DENND1B: variants seen among roughly 807,000 people sequenced by gnomAD.
DENND1B encodes DENN domain-containing protein 1B.
In DENND1B, 59 loss-of-function variants were observed where a neutral mutation model predicts 90.1. That is an observed-to-expected ratio of 0.65 (90% CI 0.53 to 0.81). The LOEUF (loss-of-function observed/expected upper bound fraction) is 0.81. Among genes scored for constraint, DENND1B ranks in the 40% least tolerant of loss-of-function variants. The probability of loss-of-function intolerance (pLI) is 0.00; values close to 1 mark genes in which losing one functional copy is unlikely to be tolerated. For synonymous variants in DENND1B, 337 were observed against 324.6 expected, an observed-to-expected ratio of 1.04 and a Z score of -0.41; for missense variants, 862 against 912.6, an observed-to-expected ratio of 0.94 and a Z score of 0.71.
chr1:197,619,352 C>A (rs1215292962), intron 10 of DENND1B, among the ~76,000 whole-genome samples: 2 of 151,138 alleles, frequency 1.3e-5, no homozygotes, highest in Admixed American at 1.3e-4. Flanking sequence ...CAAGAGCTCT[C>A]AGGTACTCCT....
chr1:197,553,496 C>T (rs1358225393), intron 15 of DENND1B, among the ~76,000 whole-genome samples: 1 of 152,096 alleles, frequency 6.6e-6, no homozygotes, highest in South Asian at 2.1e-4. Context: ...ACCCATGGGG[C>T]TCTGTCTTCC....
intron 10 of DENND1B, among the ~76,000 whole-genome samples, chr1:197,626,154 G>C (rs1280445616): frequency 6.6e-6 from 1 of 152,022 alleles, no homozygotes; most frequent in Non-Finnish European, 1.5e-5. Flanking sequence ...ATTGAACTCA[G>C]CTCTGCACCA....
chr1:197,556,067 C>T (rs1021950660), intron 15 of DENND1B, among the ~76,000 whole-genome samples: 8 of 152,028 alleles, frequency 5.3e-5, no homozygotes, highest in African/African-American at 1.9e-4. Context: ...ATAAATGATG[C>T]TGGAGGCCAT....
rs1187953452 is a variant in DENND1B at position 197,529,226 on chromosome 1, ATATATATATATATATATG to A, written c.1515+10720_1515+10737del. On this transcript the variant is annotated intron_variant, in intron 20 of 22. Coordinates refer to ENST00000620048, the MANE Select transcript of DENND1B (RefSeq NM_001195215.2). ...GTGATATATATATATATATATATAT[ATATATATATATATATATG>A]TGTGTGTGTGTGTGTGTGTGTGTGT... Among the ~76,000 whole-genome samples the A allele has an allele frequency of 4.5e-3, 87 of 19,234 alleles. No homozygotes were observed. The East Asian group carries it at 0.2, about 44-fold the overall frequency. 12.6% of individuals were successfully genotyped at this position (19,234 alleles called of 152,430 possible).
intron 20 of DENND1B, among the ~76,000 whole-genome samples, chr1:197,527,320 T>G (rs532990783): frequency 6.6e-6 from 1 of 151,386 alleles, no homozygotes; most frequent in South Asian, 2.1e-4. Flanking sequence ...TTGTTTTTGT[T>G]TTTTTTCTGA....
chr1:197,673,320 A>T (rs1241881350), intron 4 of DENND1B, among the ~76,000 whole-genome samples: 1 of 152,000 alleles, frequency 6.6e-6, no homozygotes, highest in East Asian at 1.9e-4. Context: ...TAAAACAAGG[A>T]GTATCATTCA....
At chr1:197,679,004 C>G (rs1294154298) in intron 3 of DENND1B, among the ~76,000 whole-genome samples, 1 of 152,184 alleles carries the variant, frequency 6.6e-6, no homozygotes, top group South Asian at 2.1e-4. Context: ...AGGGAAAGCA[C>G]TCTAAGTCTG....
At chr1:197,618,254 C>T (rs1239847661) in intron 10 of DENND1B, among the ~76,000 whole-genome samples, 1 of 151,052 alleles carries the variant, frequency 6.6e-6, no homozygotes, top group Non-Finnish European at 1.5e-5. Context: ...TATCAGGGGA[C>T]TTGAATGTTC....
intron 11 of DENND1B, among the ~76,000 whole-genome samples, chr1:197,617,264 G>C (rs537249132): frequency 6.6e-6 from 1 of 151,098 alleles, no homozygotes; most frequent in African/African-American, 2.4e-5. Context: ...GGTAACAAGA[G>C]TATGCCCTGA....
rs951346683 is a variant in DENND1B, at chr1:197,544,240, G to A, written c.1350+1682C>T. ...TACGGTTCAGAAAAATTTTTTCAGG[G>A]GAAATAATGTCTGAACTAAGTCCTG... On this transcript the variant is annotated intron_variant, in intron 18 of 22. Coordinates refer to ENST00000620048, the MANE Select transcript of DENND1B (RefSeq NM_001195215.2). Among the ~76,000 whole-genome samples, 8 of 152,080 alleles carry A rather than the reference G, an allele frequency of 5.3e-5. 1 individual carries two copies. Among genetic ancestry groups the A allele is most frequent in the African/African-American group, 1.9e-4 (8 of 41,412 alleles).
intron 2 of DENND1B, among the ~76,000 whole-genome samples, chr1:197,741,758 C>A (rs1663233947): frequency 1.3e-5 from 2 of 152,128 alleles, no homozygotes; most frequent in South Asian, 4.1e-4. Context: ...TGGGCATAAA[C>A]TACATACACT....
At position 197,531,185 on chromosome 1, in the gene DENND1B, A is replaced by G. The variant is rs369710958; in HGVS notation, c.1515+8779T>C. On this transcript the variant is annotated intron_variant, in intron 20 of 22. Transcript: ENST00000620048. Reference sequence around the variant, plus strand: ...CACGTAAATACAAACATACACAGACAGCCTCACTGTTATCAAAAAACTGTC... The same window carrying G: ...CACGTAAATACAAACATACACAGACGGCCTCACTGTTATCAAAAAACTGTC... Among the ~76,000 whole-genome samples, 29 of 152,328 alleles carry G rather than the reference A, an allele frequency of 1.9e-4. No homozygotes were observed. In the East Asian group the frequency reaches 5.0e-3, roughly 26 times the overall value.
At chr1:197,633,256 T>A (rs1679493037) in intron 10 of DENND1B, among the ~76,000 whole-genome samples, 1 of 152,218 alleles carries the variant, frequency 6.6e-6, no homozygotes, top group South Asian at 2.1e-4. Context: ...TGTTTTATTG[T>A]ACAGGAATTC....
chr1:197,634,609 T>C (rs1679612136), intron 10 of DENND1B, among the ~76,000 whole-genome samples: 1 of 152,186 alleles, frequency 6.6e-6, no homozygotes, highest in African/African-American at 2.4e-5. Context: ...AAGGCATTAC[T>C]GTTTTGGCAT....
At chr1:197,526,149 T>C (rs1344258142) in intron 20 of DENND1B, among the ~76,000 whole-genome samples, 2 of 152,112 alleles carry the variant, frequency 1.3e-5, no homozygotes, top group Non-Finnish European at 2.9e-5. Context: ...ACCCCCATAG[T>C]TAGAGATCTA....
At chr1:197,567,679 T>C (rs2125721416) in intron 15 of DENND1B, among the ~76,000 whole-genome samples, 1 of 152,250 alleles carries the variant, frequency 6.6e-6, no homozygotes, top group Admixed American at 6.5e-5. Flanking sequence ...TCAATAAATG[T>C]GATATACTAC....
intron 10 of DENND1B, among the ~76,000 whole-genome samples, chr1:197,622,817 C>G (rs1678294849): frequency 6.6e-6 from 1 of 151,420 alleles, no homozygotes; most frequent in Non-Finnish European, 1.5e-5. Context: ...GTTCCTTCTT[C>G]TTAAACTATA....
intron 3 of DENND1B, among the ~76,000 whole-genome samples, chr1:197,686,328 G>A (rs1657231039): frequency 6.6e-6 from 1 of 152,066 alleles, no homozygotes; most frequent in South Asian, 2.1e-4. Flanking sequence ...GCAGATTAAG[G>A]TAAATTCTGT....
At chr1:197,652,102 T>C in intron 7 of DENND1B, 133 bp downstream of exon 7, 7 of 666,930 alleles carry the variant, frequency 1.0e-5, no homozygotes, top group African/African-American at 1.9e-5. Flanking sequence ...CACCTTGTTA[T>C]GTTAGTACTA....
Sources: allele counts gnomAD v4.1 joint callset (sites outside exome capture counted in the v4.1 genomes callset), GRCh38; gene constraint gnomAD v4.1.1; transcripts MANE v1.5; gene names NCBI Gene and HGNC (gene_info 2026-07-23, HGNC 2026-07-21).